Variants in LPP observed in about 807,000 individuals in gnomAD.
The protein encoded by LPP is LIM domain containing preferred translocation partner in lipoma, also known as lipoma-preferred partner.
In LPP, 38 loss-of-function variants were observed where a neutral mutation model predicts 60.4. That is an observed-to-expected ratio of 0.63 (90% CI 0.49 to 0.83). LPP has a LOEUF of 0.83. Among genes scored for constraint, LPP ranks in the 40% least tolerant of loss-of-function variants. LPP has a pLI of 0.00. For missense variants in LPP, 902 were observed against 783.6 expected (o/e 1.15, Z -1.80); for synonymous variants, 328 against 290.8 (o/e 1.13, Z -1.30).
intron 9 of LPP, among the ~76,000 whole-genome samples, chr3:188,769,062 G>T (rs1015264030): frequency 5.9e-5 from 9 of 152,040 alleles, no homozygotes; most frequent in Admixed American, 5.9e-4. Flanking sequence ...TTTAGGTTTA[G>T]AATATATAAC....
chr3:188,187,902 T>C (rs540118953), intron 1 of LPP, among the ~76,000 whole-genome samples: 2 of 146,828 alleles, frequency 1.4e-5, no homozygotes, highest in Non-Finnish European at 1.5e-5. Context: ...TTGTTTGCTC[T>C]TTCTTTTTTT....
At chr3:188,173,012 T>A (rs1479596700) in intron 1 of LPP, among the ~76,000 whole-genome samples, 1 of 152,120 alleles carries the variant, frequency 6.6e-6, no homozygotes, top group Non-Finnish European at 1.5e-5. Context: ...GGACAACAGG[T>A]GCATGCCACC....
intron 3 of LPP, among the ~76,000 whole-genome samples, chr3:188,386,490 A>G (rs189407403): frequency 1.3e-5 from 2 of 152,284 alleles, no homozygotes; most frequent in Admixed American, 6.5e-5. Context: ...AATATTAGAA[A>G]CTGACTGTGG....
At chr3:188,705,926 T>C (rs1251969584) in intron 7 of LPP, among the ~76,000 whole-genome samples, 1 of 152,172 alleles carries the variant, frequency 6.6e-6, no homozygotes. Context: ...CTGTGCTTTT[T>C]ATAATTAATC....
intron 9 of LPP, among the ~76,000 whole-genome samples, chr3:188,808,242 T>C (rs562299567): frequency 1.6e-4 from 25 of 152,294 alleles, no homozygotes; most frequent in African/African-American, 3.1e-4. Context: ...GACAACTTCT[T>C]TTTTTGTCTG....
intron 9 of LPP, among the ~76,000 whole-genome samples, chr3:188,824,487 G>A (rs1754851523): frequency 6.6e-6 from 1 of 152,150 alleles, no homozygotes; most frequent in African/African-American, 2.4e-5. Context: ...TTCCATTATT[G>A]CAGATAATCC....
intron 2 of LPP, among the ~76,000 whole-genome samples, chr3:188,241,000 T>G (rs189893752): frequency 6.6e-6 from 1 of 152,306 alleles, no homozygotes; most frequent in Admixed American, 6.5e-5. Context: ...TGTTACGGGG[T>G]ATGTATGCAT....
chr3:188,460,016 A>G (rs1798641589), intron 4 of LPP, among the ~76,000 whole-genome samples: 1 of 152,212 alleles, frequency 6.6e-6, no homozygotes, highest in Non-Finnish European at 1.5e-5. Context: ...CAGCAGTTTG[A>G]TGAAATCATT....
At chr3:188,333,558 ACTTCT>A (rs1248409271) in intron 2 of LPP, among the ~76,000 whole-genome samples, 1 of 152,220 alleles carries the variant, frequency 6.6e-6, no homozygotes, top group Non-Finnish European at 1.5e-5. Flanking sequence ...CGGATTGGCT[ACTTCT>A]CTTAAAGTGA....
chr3:188,692,348 G>A lies in LPP; in HGVS notation c.1114-15919G>A, dbSNP rs900798472. On this transcript the variant is annotated intron_variant, in intron 7 of 11. Coordinates refer to ENST00000617246, the MANE Select transcript of LPP (RefSeq NM_001375462.1). ...GAAACAAACAAAAAAGAACAAAGAG[G>A]GACATAAAGGTTGGAGGTCATTTAC... Among the ~76,000 whole-genome samples, 8 of 152,234 alleles carry A rather than the reference G, an allele frequency of 5.3e-5. 1 individual carries two copies. Among genetic ancestry groups the A allele is most frequent in the African/African-American group, 1.9e-4 (8 of 41,534 alleles).
chr3:188,837,382 CATAATAATAATA>C lies in LPP; in HGVS notation c.1411-28788_1411-28777del, dbSNP rs57174980. Among the ~76,000 whole-genome samples, 104 of 140,384 alleles carry C rather than the reference CATAATAATAATA, an allele frequency of 7.4e-4. 1 individual carries two copies. The highest frequency in any genetic ancestry group is 3.2e-3 in the Admixed American group (44 of 13,968). 92.1% of individuals were successfully genotyped at this position (140,384 alleles called of 152,430 possible). On this transcript the variant is annotated intron_variant, in intron 9 of 11. Transcript: ENST00000617246. The stretch of plus-strand genomic sequence containing the variant: ...TGACAGAATGAGACTCCATCTCAAA[CATAATAATAATA>C]ATAATAATAATAATAATAATAATAA...
chr3:188,827,776 G>T (rs1755970995), intron 9 of LPP, among the ~76,000 whole-genome samples: 1 of 152,154 alleles, frequency 6.6e-6, no homozygotes, highest in Non-Finnish European at 1.5e-5. Flanking sequence ...TGTGTTCTGA[G>T]CCAAGTGCCT....
chr3:188,391,134 G>A (rs1311737219), intron 3 of LPP, among the ~76,000 whole-genome samples: 1 of 152,218 alleles, frequency 6.6e-6, no homozygotes, highest in Non-Finnish European at 1.5e-5. Flanking sequence ...GGTGTGGAAT[G>A]TTGGAGAGAA....
At chr3:188,285,293 G>A (rs1262092283) in intron 2 of LPP, among the ~76,000 whole-genome samples, 1 of 152,194 alleles carries the variant, frequency 6.6e-6, no homozygotes, top group African/African-American at 2.4e-5. Flanking sequence ...GTTAGAGAGA[G>A]GTGGTAAATT....
intron 6 of LPP, among the ~76,000 whole-genome samples, chr3:188,588,252 G>A (rs1837916519): frequency 6.6e-6 from 1 of 152,172 alleles, no homozygotes; most frequent in African/African-American, 2.4e-5. Context: ...TGCATCAGAG[G>A]TGTGTGTGTC....
At chr3:188,665,141 ATTC>A (rs1855482174) in intron 7 of LPP, among the ~76,000 whole-genome samples, 2 of 152,214 alleles carry the variant, frequency 1.3e-5, no homozygotes, top group African/African-American at 4.8e-5. Context: ...CTCCACTCAA[ATTC>A]AAATTTTGCT....
intron 9 of LPP, among the ~76,000 whole-genome samples, chr3:188,812,354 G>A (rs1045213153): frequency 3.9e-5 from 6 of 152,114 alleles, no homozygotes; most frequent in East Asian, 3.9e-4. Context: ...TTCCAAAAAC[G>A]TATTTCTTGC....
At chr3:188,762,420 A>T (rs1732672629) in intron 9 of LPP, among the ~76,000 whole-genome samples, 1 of 152,204 alleles carries the variant, frequency 6.6e-6, no homozygotes, top group African/African-American at 2.4e-5. Flanking sequence ...ATATTTCTGA[A>T]TGTGGGAACC....
intron 2 of LPP, among the ~76,000 whole-genome samples, chr3:188,288,647 T>A (rs1744840082): frequency 6.6e-6 from 1 of 152,088 alleles, no homozygotes; most frequent in African/African-American, 2.4e-5. Flanking sequence ...TGCACACCTA[T>A]GCACACACAT....
Sources: gnomAD v4.1 joint callset for allele counts (sites outside exome capture counted in the v4.1 genomes callset) on GRCh38, gnomAD v4.1.1 for gene constraint, MANE v1.5 for transcripts, NCBI Gene and HGNC (gene_info 2026-07-23, HGNC 2026-07-21) for gene names.